ZEB1: variants seen among roughly 807,000 people sequenced by gnomAD.
The protein encoded by ZEB1 is zinc finger E-box-binding homeobox 1.
A neutral mutation model predicts 84.9 loss-of-function variants in ZEB1; 21 were observed. That is an observed-to-expected ratio of 0.25 (90% CI 0.18 to 0.36). ZEB1 has a LOEUF of 0.36. Among genes scored for constraint, ZEB1 ranks in the 10% least tolerant of loss-of-function variants. ZEB1 has a pLI of 1.00. For missense variants in ZEB1, 1,104 were observed against 1,330.2 expected (o/e 0.83, Z 2.65); for synonymous variants, 420 against 471.1 (o/e 0.89, Z 1.41).
At chr10:31,334,663 T>C (rs2037616468) in intron 1 of ZEB1, among the ~76,000 whole-genome samples, 1 of 151,960 alleles carries the variant, frequency 6.6e-6, no homozygotes, top group Non-Finnish European at 1.5e-5. Flanking sequence ...AGTAACAAAA[T>C]TAGCAAACCA....
At chr10:31,444,794 C>G (rs1328191431) in intron 1 of ZEB1, among the ~76,000 whole-genome samples, 1 of 151,150 alleles carries the variant, frequency 6.6e-6, no homozygotes, top group African/African-American at 2.4e-5. Context: ...GGTACCAGTA[C>G]CATGCTGTTT....
chr10:31,325,194 T>C (rs2035191067), intron 1 of ZEB1, among the ~76,000 whole-genome samples: 1 of 152,058 alleles, frequency 6.6e-6, no homozygotes, highest in Admixed American at 6.5e-5. Context: ...TTTATGATTG[T>C]TTTCAGAGAA....
At chr10:31,398,866 T>G (rs2051334353) in intron 1 of ZEB1, among the ~76,000 whole-genome samples, 1 of 152,152 alleles carries the variant, frequency 6.6e-6, no homozygotes, top group African/African-American at 2.4e-5. Context: ...ATCTCCAAAT[T>G]GGGAATGCTC....
chr10:31,433,968 CAAA>C lies in ZEB1; in HGVS notation c.59-27068_59-27066del, dbSNP rs559510967. ...TGGAGGAAAGAAATTGCTTTTAGTT[CAAA>C]TAAGTTAAAGAAGACTCCATGATAA... On this transcript the variant is annotated intron_variant, in intron 1 of 8. Transcript: ENST00000424869. Among the ~76,000 whole-genome samples the C allele has an allele frequency of 2.4e-3, 369 of 152,166 alleles. 1 individual carries two copies. Among genetic ancestry groups the C allele is most frequent in the African/African-American group, 8.1e-3 (338 of 41,514 alleles).
At chr10:31,467,462 A>C (rs1485182390) in intron 2 of ZEB1, among the ~76,000 whole-genome samples, 2 of 152,176 alleles carry the variant, frequency 1.3e-5, no homozygotes, top group African/African-American at 4.8e-5. Flanking sequence ...AGGTGAATCT[A>C]AACCACACAC....
At chr10:31,483,259 A>C (rs1397273453) in intron 2 of ZEB1, among the ~76,000 whole-genome samples, 9 of 151,958 alleles carry the variant, frequency 5.9e-5, no homozygotes, top group Admixed American at 2.6e-4. Context: ...AATATTATTT[A>C]TTTTCATACT....
rs749284797 is a variant in ZEB1, at chr10:31,521,019, C to T, written c.1687C>T (p.Pro563Ser). The change falls in exon 7 of 9, where the codon CCT becomes TCT. Residue 563 changes from proline to serine, a missense_variant. Pro to Ser is a moderately conservative substitution (Grantham distance 74). Transcript: ENST00000424869. Reference sequence around the variant, plus strand: ...GCAGCCTACTCAGCCTCCTCCACTCCCTGCAGCAGAAGCTGAGAAGCCTGA... The same window carrying T: ...GCAGCCTACTCAGCCTCCTCCACTCTCTGCAGCAGAAGCTGAGAAGCCTGA... ...LKQPTQPPPL[P>S]AAEAEKPESS... 2 of 1,614,042 alleles carry T rather than the reference C, an allele frequency of 1.2e-6. No homozygotes were observed. The highest frequency in any genetic ancestry group is 1.1e-5 in the South Asian group (1 of 91,072).
rs1166443026 is a variant in ZEB1, at chr10:31,505,722, G to A, written c.484+3213G>A. Among the ~76,000 whole-genome samples, 5 of 151,720 alleles carry A rather than the reference G, an allele frequency of 3.3e-5. No homozygotes were observed. The East Asian group carries it at 5.8e-4, about 18-fold the overall frequency. On this transcript the variant is annotated intron_variant, in intron 4 of 8. Coordinates refer to ENST00000424869, the MANE Select transcript of ZEB1 (RefSeq NM_001174096.2). Reference sequence around the variant, plus strand: ...ACCAACTTTTTGTTTTGTTATTTGTGTTGTTTTTTAGTCTTCATTTCATTG... The same window carrying A: ...ACCAACTTTTTGTTTTGTTATTTGTATTGTTTTTTAGTCTTCATTTCATTG...
chr10:31,474,034 C>T (rs1305721620), intron 2 of ZEB1, among the ~76,000 whole-genome samples: 2 of 152,182 alleles, frequency 1.3e-5, no homozygotes, highest in Non-Finnish European at 2.9e-5. Flanking sequence ...TGGATCCCTT[C>T]CTTACACCTT....
chr10:31,323,866 C>G (rs551256789), intron 1 of ZEB1, among the ~76,000 whole-genome samples: 1 of 151,508 alleles, frequency 6.6e-6, no homozygotes, highest in Non-Finnish European at 1.5e-5. Context: ...ATATCAGTAC[C>G]GTAATGGAAT....
intron 4 of ZEB1, among the ~76,000 whole-genome samples, chr10:31,506,040 C>T (rs2068921665): frequency 6.6e-6 from 1 of 151,872 alleles, no homozygotes; most frequent in Admixed American, 6.6e-5. Context: ...TATTCAAAAG[C>T]ATGTTGTTTA....
chr10:31,377,556 G>T (rs1280638169), intron 1 of ZEB1, among the ~76,000 whole-genome samples: 4 of 151,726 alleles, frequency 2.6e-5, no homozygotes, highest in Admixed American at 2.6e-4. Context: ...CTGAGTAAAA[G>T]AATTCTATTC....
chr10:31,328,401 T>C lies in ZEB1; in HGVS notation c.58+9109T>C, dbSNP rs115857013. Among the ~76,000 whole-genome samples the C allele has an allele frequency of 3.2e-3, 481 of 152,294 alleles. 2 individuals are homozygous for C. Among genetic ancestry groups the C allele is most frequent in the African/African-American group, 0.011 (470 of 41,576 alleles). On this transcript the variant is annotated intron_variant, in intron 1 of 8. Coordinates refer to ENST00000424869, the MANE Select transcript of ZEB1 (RefSeq NM_001174096.2). ...AGTTTAAATGAAGCATATGACGCAT[T>C]GTGCCTAATACATGTTTTAAGTTTT...
At chr10:31,319,395 G>T (rs1215284125) in intron 1 of ZEB1, 103 bp downstream of exon 1, 2 of 1,155,014 alleles carry the variant, frequency 1.7e-6, no homozygotes, top group African/African-American at 1.5e-5. Context: ...GGCAGCCGGG[G>T]CAGGGACGGC....
intron 1 of ZEB1, among the ~76,000 whole-genome samples, chr10:31,334,035 A>ATT (rs886919593): frequency 1.3e-5 from 2 of 152,102 alleles, no homozygotes; most frequent in African/African-American, 4.8e-5. Flanking sequence ...TTCAAAATAC[A>ATT]TTAAGCAGAA....
chr10:31,319,351 GC>G, intron 1 of ZEB1, 59 bp downstream of exon 1: 2 of 1,550,768 alleles, frequency 1.3e-6, no homozygotes, highest in Non-Finnish European at 1.8e-6. Context: ...CAGCCGGGGC[GC>G]CCCCGGGGGT....
chr10:31,449,234 G>A (rs866590956), intron 1 of ZEB1, among the ~76,000 whole-genome samples: 9 of 152,310 alleles, frequency 5.9e-5, no homozygotes, highest in Middle Eastern at 6.8e-3. Flanking sequence ...GACCCCTTGC[G>A]CTTCCCAGGT....
At position 31,520,095 on chromosome 10, in the gene ZEB1, G is replaced by A. The variant is rs972646257; in HGVS notation, c.794-31G>A. ...ATAAAAATTTATATGTAATAATTCA[G>A]TGAATATAATTTGTTTGTTTGTTTG... On this transcript the variant is annotated intron_variant, in intron 6 of 8. Coordinates refer to ENST00000424869, the MANE Select transcript of ZEB1 (RefSeq NM_001174096.2). This position sits in a 1 kb window ranked among gnomAD's most constrained non-coding sequence, Gnocchi z 5.1. 2 of 1,609,994 alleles carry A rather than the reference G, an allele frequency of 1.2e-6. No homozygotes were observed. The highest frequency in any genetic ancestry group is 8.5e-7 in the Non-Finnish European group (1 of 1,178,736).
intron 1 of ZEB1, among the ~76,000 whole-genome samples, chr10:31,331,081 CTTTTTTTTTTT>C (rs548615284): frequency 1.4e-4 from 11 of 77,846 alleles, no homozygotes; most frequent in South Asian, 5.1e-4. Context: ...TTCTTTCTTT[CTTTTTTTTTTT>C]TTTTTTTTTT....
Sources: gnomAD v4.1 joint callset for allele counts (sites outside exome capture counted in the v4.1 genomes callset) on GRCh38, gnomAD v4.1.1 for gene constraint, Gnocchi (gnomAD v3.1) non-coding constraint, MANE v1.5 for transcripts, NCBI Gene and HGNC (gene_info 2026-07-23, HGNC 2026-07-21) for gene names.